The following RPS6KA2 variants were observed in gnomAD, a reference collection of about 807,000 sequenced individuals.
RPS6KA2 encodes the protein ribosomal protein S6 kinase alpha-2.
Under a neutral mutation model 91.8 loss-of-function variants are expected in RPS6KA2, and 42 were observed. That is an observed-to-expected ratio of 0.46 (90% CI 0.36 to 0.59). The LOEUF (loss-of-function observed/expected upper bound fraction) is 0.59, where lower values mean the gene tolerates loss of function less well. RPS6KA2 is among the 20% of genes least tolerant of loss of function. RPS6KA2 has a pLI of 0.00. For synonymous variants in RPS6KA2, 414 were observed against 393.6 expected (o/e 1.05, Z -0.61); for missense variants, 798 against 978.5 (o/e 0.82, Z 2.46).
In RPS6KA2 at chr6:166,603,155, G is replaced by A. The variant is rs1049222783; in HGVS notation, c.99+23766C>T. Among the ~76,000 whole-genome samples, 5 of 152,202 alleles carry A rather than the reference G, an allele frequency of 3.3e-5. No homozygotes were observed. Among genetic ancestry groups the A allele is most frequent in the African/African-American group, 9.7e-5 (4 of 41,438 alleles). ...GCTTAGTCTAAAAGGGATCTGGGCG[G>A]GATATCAAGAACCAAACATCACAGA... is the stretch of plus-strand genomic sequence containing the variant. On this transcript the variant is annotated intron_variant, in intron 1 of 20. Transcript: ENST00000265678. This position sits in a 1 kb window ranked among gnomAD's most constrained non-coding sequence, Gnocchi z 4.3.
chr6:166,731,690 C>T (rs1321769837), intron 2 of RPS6KA2, among the ~76,000 whole-genome samples: 1 of 150,442 alleles, frequency 6.6e-6, no homozygotes, highest in Non-Finnish European at 1.5e-5. Flanking sequence ...CCTTTTCCTA[C>T]ACACAACCTC....
intron 2 of RPS6KA2, among the ~76,000 whole-genome samples, chr6:166,772,110 C>A (rs1272844165): frequency 6.8e-6 from 1 of 147,964 alleles, no homozygotes; most frequent in African/African-American, 2.7e-5. Flanking sequence ...CATTTATGTA[C>A]CTGTTTGTAT....
chr6:166,458,931 A>G (rs377676348), intron 12 of RPS6KA2, among the ~76,000 whole-genome samples: 106 of 152,352 alleles, frequency 7.0e-4, no homozygotes, highest in African/African-American at 2.5e-3. Context: ...TTCTGATGAA[A>G]TTTGCTAGAC....
intron 2 of RPS6KA2, among the ~76,000 whole-genome samples, chr6:166,654,912 T>C (rs1034794928): frequency 1.3e-5 from 2 of 152,110 alleles, no homozygotes; most frequent in South Asian, 2.1e-4. Flanking sequence ...TGTGGGGCAA[T>C]AGCTCCTCAA....
chr6:166,821,971 T>TG lies in RPS6KA2; in HGVS notation c.123+36228dup, dbSNP rs1352985558. Among the ~76,000 whole-genome samples, 1 of 152,088 alleles carries TG rather than the reference T, an allele frequency of 6.6e-6. No individual in the cohort carries two copies. The highest frequency in any genetic ancestry group is 6.5e-5 in the Admixed American group (1 of 15,272). On this transcript the variant is annotated intron_variant, in intron 2 of 21. Transcript: ENST00000503859. This position sits in a 1 kb window ranked among gnomAD's most constrained non-coding sequence, Gnocchi z 4.1. ...CCCTCTCCCTCAGCCTCCCATCAAA[T>TG]GCGTTGGCAAGTCTGACAGCCCCAA...
chr6:166,529,969 T>C (rs1189564905), intron 3 of RPS6KA2, among the ~76,000 whole-genome samples: 2 of 152,250 alleles, frequency 1.3e-5, no homozygotes, highest in African/African-American at 2.4e-5. Context: ...GAAGAGCTCT[T>C]TTCCTCCTTT....
intron 10 of RPS6KA2, among the ~76,000 whole-genome samples, chr6:166,483,962 T>A (rs1781323350): frequency 6.6e-6 from 1 of 152,244 alleles, no homozygotes; most frequent in Non-Finnish European, 1.5e-5. Context: ...AGAAAAACAC[T>A]TTGTGAACAA....
Position 166,626,660 on chromosome 6 carries a change from A to G in RPS6KA2, c.99+261T>C, listed in dbSNP as rs1043057497. 2.0e-5 allele frequency among the ~76,000 whole-genome samples: 3 copies of G among 152,196 alleles called. No individual in the cohort carries two copies. Among genetic ancestry groups the G allele is most frequent in the African/African-American group, 7.2e-5 (3 of 41,464 alleles). On this transcript the variant is annotated intron_variant, in intron 1 of 20. Transcript: ENST00000265678. This position sits in a 1 kb window ranked among gnomAD's most constrained non-coding sequence, Gnocchi z 4.1. ...CAGGGGACCATCCCACACCCCGTGC[A>G]GCCAGCGGCGGAGAAACCAGCTGGA... is the stretch of plus-strand genomic sequence containing the variant.
intron 10 of RPS6KA2, among the ~76,000 whole-genome samples, chr6:166,480,479 T>TTATATATATATATAATATATA (rs1781157887): frequency 1.1e-4 from 11 of 99,874 alleles, no homozygotes; most frequent in African/African-American, 4.8e-4. Flanking sequence ...GATTGTGATT[T>TTATATATATATATAATATATA]TATATATATA....
In RPS6KA2 at chr6:166,557,025, A is replaced by G. The variant is rs977012486; in HGVS notation, c.100-18241T>C. On this transcript the variant is annotated intron_variant, in intron 1 of 20. Transcript: ENST00000265678. The surrounding 1 kb of genome is among the most constrained non-coding windows in gnomAD (Gnocchi z 4.8). The stretch of plus-strand genomic sequence containing the variant: ...GCAAGTGCCAAGAAACCTGCATGCC[A>G]GCAACCAGACCACGGGGCATTAGCC... Among the ~76,000 whole-genome samples the G allele has an allele frequency of 2.6e-5, 4 of 152,382 alleles. No homozygotes were observed. The highest frequency in any genetic ancestry group is 9.6e-5 in the African/African-American group (4 of 41,596).
intron 2 of RPS6KA2, among the ~76,000 whole-genome samples, chr6:166,689,211 C>A (rs1490289137): frequency 6.6e-6 from 1 of 152,234 alleles, no homozygotes; most frequent in African/African-American, 2.4e-5. Context: ...ATTTACACCA[C>A]TTCTTTACCC....
intron 8 of RPS6KA2, among the ~76,000 whole-genome samples, chr6:166,491,570 T>C (rs1351764415): frequency 6.6e-6 from 1 of 152,240 alleles, no homozygotes; most frequent in Non-Finnish European, 1.5e-5. Flanking sequence ...GGATCAATCC[T>C]ACTCGGTGTC....
At chr6:166,604,343 T>A (rs575716858) in intron 1 of RPS6KA2, among the ~76,000 whole-genome samples, 15 of 152,212 alleles carry the variant, frequency 9.9e-5, no homozygotes, top group African/African-American at 3.6e-4. Flanking sequence ...CCCAAATAGG[T>A]TTGCTTATAT....
chr6:166,834,601 T>G (rs1023950694), intron 2 of RPS6KA2, among the ~76,000 whole-genome samples: 6 of 152,230 alleles, frequency 3.9e-5, no homozygotes, highest in African/African-American at 1.2e-4. Context: ...CGTGCAGCCC[T>G]GAACCTAAAG....
chr6:166,574,262 C>T (rs551724939), intron 1 of RPS6KA2, among the ~76,000 whole-genome samples: 5 of 152,320 alleles, frequency 3.3e-5, no homozygotes, highest in South Asian at 4.1e-4. Flanking sequence ...CCCCGTCACC[C>T]GGGTACTGAG....
At chr6:166,593,659 A>G (rs1785428650) in intron 1 of RPS6KA2, among the ~76,000 whole-genome samples, 1 of 123,722 alleles carries the variant, frequency 8.1e-6, no homozygotes, top group African/African-American at 2.7e-5. Context: ...TGGTTTTCGG[A>G]AAAAAAAAAC....
At chr6:166,577,489 A>T (rs1262785804) in intron 1 of RPS6KA2, among the ~76,000 whole-genome samples, 1 of 152,228 alleles carries the variant, frequency 6.6e-6, no homozygotes. Flanking sequence ...CCCGGAAGTG[A>T]GATGTGGAGT....
intron 2 of RPS6KA2, among the ~76,000 whole-genome samples, chr6:166,831,767 A>G (rs1457859271): frequency 6.7e-6 from 1 of 149,148 alleles, no homozygotes; most frequent in Non-Finnish European, 1.5e-5. Context: ...TAACAGAATT[A>G]CATACTAGAT....
chr6:166,599,709 G>A (rs1229041934), intron 1 of RPS6KA2, among the ~76,000 whole-genome samples: 2 of 152,168 alleles, frequency 1.3e-5, no homozygotes, highest in Non-Finnish European at 2.9e-5. Flanking sequence ...AAACAAATAA[G>A]CTGTAGGGGG....
Sources: gnomAD v4.1 joint callset for allele counts (sites outside exome capture counted in the v4.1 genomes callset) on GRCh38, gnomAD v4.1.1 for gene constraint, Gnocchi (gnomAD v3.1) non-coding constraint, MANE v1.5 for transcripts, NCBI Gene and HGNC (gene_info 2026-07-23, HGNC 2026-07-21) for gene names.